The following STK32B variants were observed in gnomAD, a reference collection of about 807,000 sequenced individuals.
STK32B encodes the protein serine/threonine kinase 32B, also known as serine/threonine-protein kinase 32B.
In STK32B, 43 loss-of-function variants were observed where a neutral mutation model predicts 52.6. The ratio of observed to expected loss-of-function variants is 0.82; its 90% CI spans 0.64 to 1.05. The LOEUF is 1.05. STK32B is among the 50% of genes least tolerant of loss of function. The probability of loss-of-function intolerance (pLI) is 0.00; values close to 1 mark genes in which losing one functional copy is unlikely to be tolerated. For synonymous variants in STK32B, 238 were observed against 204.3 expected (o/e 1.17, Z -1.41); for missense variants, 621 against 534.6 (o/e 1.16, Z -1.59).
intron 3 of STK32B, among the ~76,000 whole-genome samples, chr4:5,248,743 G>C (rs902207633): frequency 3.9e-5 from 6 of 152,148 alleles, no homozygotes; most frequent in Non-Finnish European, 5.9e-5. Flanking sequence ...ATACTATGCA[G>C]CCATAAAAAG....
chr4:5,258,401 G>A lies in STK32B; in HGVS notation c.261-72819G>A, dbSNP rs1379459596. 2.0e-5 allele frequency among the ~76,000 whole-genome samples: 3 copies of A among 152,142 alleles called. No homozygotes were observed. The South Asian group carries it at 6.2e-4, about 32-fold the overall frequency. On this transcript the variant is annotated intron_variant, in intron 3 of 11. Coordinates refer to ENST00000282908, the MANE Select transcript of STK32B (RefSeq NM_018401.3). ...TTGAACAGTACCTAACATACCCCCA[G>A]TTCTCAATAAATGTTGCTGGTGAAT... is the stretch of plus-strand genomic sequence containing the variant.
chr4:5,037,147 C>G, the STK32B span, among the ~76,000 whole-genome samples: 2 of 152,164 alleles, frequency 1.3e-5, no homozygotes, highest in African/African-American at 4.8e-5. Context: ...TGCTGAGCAG[C>G]ACCCCTGGTT....
At chr4:5,496,879 G>A (rs958455483) in intron 11 of STK32B, among the ~76,000 whole-genome samples, 26 of 151,942 alleles carry the variant, frequency 1.7e-4, no homozygotes, top group Admixed American at 1.6e-3. Context: ...GTTCTTCATA[G>A]ATATTATGTC....
At chr4:5,230,227 T>G (rs1724167206) in intron 3 of STK32B, among the ~76,000 whole-genome samples, 1 of 125,394 alleles carries the variant, frequency 8.0e-6, no homozygotes, top group Non-Finnish European at 1.6e-5. Context: ...TCTTGCACCG[T>G]CGCCCAGGTT....
At chr4:5,484,892 T>A (rs543385452) in intron 11 of STK32B, among the ~76,000 whole-genome samples, 45 of 152,304 alleles carry the variant, frequency 3.0e-4, no homozygotes, top group Admixed American at 1.1e-3. Flanking sequence ...AAAATTCTTT[T>A]CTTTAAGAAT....
At chr4:5,087,222 G>A (rs1712780430) in intron 1 of STK32B, among the ~76,000 whole-genome samples, 1 of 151,918 alleles carries the variant, frequency 6.6e-6, no homozygotes, top group South Asian at 2.1e-4. Context: ...AAATTAAGTA[G>A]TATTAATAGA....
intron 1 of STK32B, among the ~76,000 whole-genome samples, chr4:5,111,510 G>A (rs1236219816): frequency 6.6e-6 from 1 of 152,124 alleles, no homozygotes; most frequent in East Asian, 1.9e-4. Flanking sequence ...AACTAACACA[G>A]AAACAGAAAA....
At chr4:5,347,525 A>G (rs963114722) in intron 4 of STK32B, among the ~76,000 whole-genome samples, 3 of 152,304 alleles carry the variant, frequency 2.0e-5, no homozygotes, top group African/African-American at 7.2e-5. Context: ...TATGTACTCA[A>G]AGAGCCTTAA....
intron 1 of STK32B, among the ~76,000 whole-genome samples, chr4:5,129,080 T>G (rs1715590604): frequency 6.6e-6 from 1 of 152,194 alleles, no homozygotes; most frequent in African/African-American, 2.4e-5. Context: ...TAAATAGTCA[T>G]GTCCATAAGT....
intron 11 of STK32B, among the ~76,000 whole-genome samples, chr4:5,490,089 C>A (rs1719586078): frequency 6.7e-6 from 1 of 148,526 alleles, no homozygotes; most frequent in Non-Finnish European, 1.5e-5. Flanking sequence ...ATTTTAAGAT[C>A]TTTTTGTTGT....
At position 5,468,014 on chromosome 4, in the gene STK32B, C is replaced by G; in HGVS notation, c.1050C>G (p.His350Gln). 1.2e-6 allele frequency: 2 copies of G among 1,614,170 alleles called. No individual in the cohort carries two copies. Among genetic ancestry groups the G allele is most frequent in the Non-Finnish European group, 1.7e-6 (2 of 1,180,008 alleles). Reference protein sequence around the residue: ...GTKDSCPLNGHLQHCLETVRE... With the variant: ...GTKDSCPLNGQLQHCLETVRE... ...TCTGTGCTCTTTGACAGAATGGACA[C>G]CTGCAGCACTGTTTGGAGACTGTCC... Residue 350 changes from histidine to glutamine, a missense_variant, in exon 11 of 12, where the codon CAC (histidine) becomes CAG (glutamine). By Grantham distance (24) the His-to-Gln change is conservative. Transcript: ENST00000282908.
chr4:5,222,331 G>A (rs541548350), intron 3 of STK32B, among the ~76,000 whole-genome samples: 1 of 152,280 alleles, frequency 6.6e-6, no homozygotes, highest in East Asian at 1.9e-4. Context: ...CAGTTCTGAA[G>A]TGAATACTGT....
chr4:5,265,627 T>A (rs1322134268), intron 3 of STK32B, among the ~76,000 whole-genome samples: 2 of 152,254 alleles, frequency 1.3e-5, no homozygotes, highest in Non-Finnish European at 2.9e-5. Context: ...TTTGGAGTTA[T>A]GGTAGTCTCA....
At chr4:5,312,450 A>G (rs1029800545) in intron 3 of STK32B, among the ~76,000 whole-genome samples, 68 of 99,732 alleles carry the variant, frequency 6.8e-4, no homozygotes, top group Admixed American at 4.2e-3. Context: ...CCCACACCCC[A>G]CAACAGTCCC....
In STK32B at chr4:5,250,315, T is replaced by C. The variant is rs549832680; in HGVS notation, c.261-80905T>C. Among the ~76,000 whole-genome samples the C allele has an allele frequency of 1.2e-4, 18 of 147,118 alleles. 1 individual carries two copies. In the South Asian group the frequency reaches 4.4e-3, roughly 36 times the overall value. ...TGGTAATTCTGTTTTAAGTTCTTTT[T>C]TTTTTTTTTTTTTTTGAGACAGAAT... On this transcript the variant is annotated intron_variant, in intron 3 of 11. Coordinates refer to ENST00000282908, the MANE Select transcript of STK32B (RefSeq NM_018401.3).
chr4:5,423,065 T>G (rs1442567081), intron 6 of STK32B, among the ~76,000 whole-genome samples: 1 of 151,162 alleles, frequency 6.6e-6, no homozygotes, highest in South Asian at 2.1e-4. Context: ...AGCACAGGAG[T>G]CTTGAATGCT....
intron 3 of STK32B, among the ~76,000 whole-genome samples, chr4:5,243,626 G>A (rs1725207786): frequency 6.6e-6 from 1 of 152,192 alleles, no homozygotes; most frequent in Non-Finnish European, 1.5e-5. Flanking sequence ...TTGAATAGGA[G>A]TGGTGAGAGA....
At chr4:5,097,727 C>T (rs886453921) in intron 1 of STK32B, among the ~76,000 whole-genome samples, 3 of 152,194 alleles carry the variant, frequency 2.0e-5, no homozygotes, top group African/African-American at 4.8e-5. Flanking sequence ...ATCACTAACT[C>T]GTTAATCATG....
At chr4:5,331,137 T>C (rs1398503311) in intron 3 of STK32B, 83 bp from the exon 4 acceptor site, 3 of 1,357,890 alleles carry the variant, frequency 2.2e-6, no homozygotes, top group Non-Finnish European at 3.0e-6. Flanking sequence ...CTCAGTTTGC[T>C]CTTCTGTAAA....
Sources: gnomAD v4.1 joint callset for allele counts (sites outside exome capture counted in the v4.1 genomes callset) on GRCh38, gnomAD v4.1.1 for gene constraint, MANE v1.5 for transcripts, NCBI Gene and HGNC (gene_info 2026-07-23, HGNC 2026-07-21) for gene names.